Variants in SNX2 observed in about 807,000 individuals in gnomAD.
SNX2 encodes the protein sorting nexin-2.
In SNX2, 25 loss-of-function variants were observed where a neutral mutation model predicts 69.9. That is an observed-to-expected ratio of 0.36 (90% CI 0.26 to 0.50). The LOEUF is 0.50. SNX2 is among the 20% of genes least tolerant of loss of function. SNX2 has a pLI of 0.97. For synonymous variants in SNX2, 229 were observed against 200.4 expected (o/e 1.14, Z -1.20); for missense variants, 551 against 613.3 (o/e 0.90, Z 1.07).
intron 14 of SNX2, among the ~76,000 whole-genome samples, chr5:122,828,860 T>C (rs989613013): frequency 6.6e-6 from 1 of 152,208 alleles, no homozygotes; most frequent in African/African-American, 2.4e-5. Flanking sequence ...GGCTCATGCC[T>C]GTAATCTCAG....
At chr5:122,826,021 C>A in intron 11 of SNX2, 29 bp from the exon 12 acceptor site, 2 of 1,592,590 alleles carry the variant, frequency 1.3e-6, no homozygotes, top group African/African-American at 1.3e-5. Context: ...GTTACTCTTA[C>A]TTAATAGCAT....
intron 3 of SNX2, among the ~76,000 whole-genome samples, 157 bp downstream of exon 3, chr5:122,800,012 C>G (rs1753473662): frequency 6.6e-6 from 1 of 152,124 alleles, no homozygotes. Context: ...TTCTATCTTC[C>G]CCACTCTACC....
rs1401853175 is a variant in SNX2, at chr5:122,833,224, GA to G, written c.*3577del. The G allele has an allele frequency of 6.6e-6, 1 of 152,142 alleles. No homozygotes were observed. Among genetic ancestry groups the G allele is most frequent in the Admixed American group, 6.5e-5 (1 of 15,270 alleles). The allele number at this position is 152,142 out of a possible 1,614,324, so 9.4% of individuals were successfully genotyped here. ...AACAATGAAAGTAGATAATGGGTCAGACATGGAAATAGCAATAAAAGGGAAT... is the reference window on the plus strand; with the variant it reads ...AACAATGAAAGTAGATAATGGGTCAGCATGGAAATAGCAATAAAAGGGAAT... On this transcript the variant is annotated 3_prime_UTR_variant, in exon 15 of 15. Transcript: ENST00000379516.
Position 122,795,060 on chromosome 5 carries a change from C to T in SNX2, c.109-206C>T, listed in dbSNP as rs1201731654. On this transcript the variant is annotated intron_variant, in intron 1 of 14. Transcript: ENST00000379516. ...AAAAAAAAGGTTTTCTTTTTTAAAT[C>T]TTAAGTGACTTTTTGTTAAGAAAGA... Among the ~76,000 whole-genome samples, 4 of 152,024 alleles carry T rather than the reference C, an allele frequency of 2.6e-5. No homozygotes were observed. In the East Asian group the frequency reaches 7.7e-4, roughly 29 times the overall value.
intron 1 of SNX2, among the ~76,000 whole-genome samples, chr5:122,788,940 C>G (rs1275255984): frequency 1.3e-5 from 2 of 152,100 alleles, no homozygotes; most frequent in East Asian, 3.8e-4. Flanking sequence ...TGTCTTTTCT[C>G]TTATTTGGTC....
At chr5:122,814,627 A>T (rs1029282530) in intron 7 of SNX2, among the ~76,000 whole-genome samples, 2 of 152,222 alleles carry the variant, frequency 1.3e-5, no homozygotes, top group African/African-American at 4.8e-5. Context: ...AATCTTATAA[A>T]AAGGTAGAAG....
At chr5:122,779,619 T>C (rs907657621) in intron 1 of SNX2, among the ~76,000 whole-genome samples, 1 of 152,220 alleles carries the variant, frequency 6.6e-6, no homozygotes. Context: ...ATAATGCCGT[T>C]AACATTCGTG....
rs781294889 is a variant in SNX2, at chr5:122,803,623, A to G, written c.643+10A>G. The G allele has an allele frequency of 1.3e-6, 2 of 1,584,896 alleles. No homozygotes were observed. Among genetic ancestry groups the G allele is most frequent in the East Asian group, 2.3e-5 (1 of 44,392 alleles). Reference sequence around the variant, plus strand: ...GAAAAGAGTATAGTAGGTAAGCACAAATTTTTCAAAAATTAATTTTTGTTA... The same window carrying G: ...GAAAAGAGTATAGTAGGTAAGCACAGATTTTTCAAAAATTAATTTTTGTTA... On this transcript the variant is annotated intron_variant, in intron 6 of 14. Transcript: ENST00000379516.
intron 12 of SNX2, among the ~76,000 whole-genome samples, chr5:122,826,956 A>C (rs1561478887): frequency 6.6e-6 from 1 of 151,998 alleles, no homozygotes; most frequent in Non-Finnish European, 1.5e-5. Context: ...TCAGCATATA[A>C]ATTTTGAAGA....
At chr5:122,816,269 A>T (rs1753899219) in intron 8 of SNX2, among the ~76,000 whole-genome samples, 1 of 151,070 alleles carries the variant, frequency 6.6e-6, no homozygotes, top group Non-Finnish European at 1.5e-5. Flanking sequence ...TGTTGAAATA[A>T]GTTTATTCAG....
At chr5:122,810,183 TA>T (rs1195163784) in intron 7 of SNX2, among the ~76,000 whole-genome samples, 1 of 150,892 alleles carries the variant, frequency 6.6e-6, no homozygotes, top group Non-Finnish European at 1.5e-5. Flanking sequence ...TGTGCTTTGT[TA>T]AACAGATGCT....
chr5:122,793,328 A>G (rs1056258888), intron 1 of SNX2, among the ~76,000 whole-genome samples: 1 of 152,224 alleles, frequency 6.6e-6, no homozygotes, highest in Admixed American at 6.5e-5. Flanking sequence ...ATATGGAAGA[A>G]TCTTACATAC....
Position 122,831,385 on chromosome 5 carries a change from A to C in SNX2, c.*1737A>C, listed in dbSNP as rs894379674. Among the ~76,000 whole-genome samples the C allele has an allele frequency of 7.9e-5, 12 of 152,132 alleles. No individual in the cohort carries two copies. The highest frequency in any genetic ancestry group is 7.4e-5 in the Non-Finnish European group (5 of 68,014). Reference sequence around the variant, plus strand: ...CTTCTTGGGAGGCTGAGGCAGGAGGATCTCTTGAGCCCAGGAGTTTGAGGC... The same window carrying C: ...CTTCTTGGGAGGCTGAGGCAGGAGGCTCTCTTGAGCCCAGGAGTTTGAGGC... On this transcript the variant is annotated 3_prime_UTR_variant, in exon 15 of 15. Transcript: ENST00000379516.
At chr5:122,826,724 T>C in intron 12 of SNX2, 1 of 669,658 alleles carries the variant, frequency 1.5e-6, no homozygotes, top group Non-Finnish European at 1.8e-6. Context: ...TTTGGTTACA[T>C]AGTGGGAAAA....
chr5:122,810,856 A>G (rs1399514519), intron 7 of SNX2, among the ~76,000 whole-genome samples: 4 of 152,220 alleles, frequency 2.6e-5, no homozygotes, highest in Non-Finnish European at 5.9e-5. Context: ...TGAAGAAAAT[A>G]TAGGCATAAA....
In SNX2 at chr5:122,806,142, GCACACACACACACA is replaced by G. The variant is rs139834252; in HGVS notation, c.644-2122_644-2109del. Reference sequence around the variant, plus strand: ...TGTGTATATATATACACACGCGCGCGCACACACACACACACACACACACACAGCCCACCATTCCA... The same window carrying G: ...TGTGTATATATATACACACGCGCGCGCACACACACACAGCCCACCATTCCA... On this transcript the variant is annotated intron_variant, in intron 6 of 14. Transcript: ENST00000379516. Among the ~76,000 whole-genome samples the G allele has an allele frequency of 2.3e-5, 3 of 130,584 alleles. No homozygotes were observed. In the East Asian group the frequency reaches 6.4e-4, roughly 28 times the overall value. The allele number at this position is 130,584 out of a possible 152,430, so 85.7% of individuals were successfully genotyped here.
chr5:122,797,872 C>T lies in SNX2; in HGVS notation c.227-1820C>T, dbSNP rs1753419270. Among the ~76,000 whole-genome samples, 7 of 144,204 alleles carry T rather than the reference C, an allele frequency of 4.9e-5. No individual in the cohort carries two copies. In the South Asian group the frequency reaches 1.8e-3, roughly 37 times the overall value. 94.6% of individuals were successfully genotyped at this position (144,204 alleles called of 152,430 possible). A position where few individuals can be genotyped will look rare whatever the true frequency, so the allele number is the denominator to read the frequency against. On this transcript the variant is annotated intron_variant, in intron 2 of 14. Transcript: ENST00000379516. Reference sequence around the variant, plus strand: ...AAGGTGTCATGAAGAAAATTTAAGACAGATTATATATATATGTTGAATCTA... The same window carrying T: ...AAGGTGTCATGAAGAAAATTTAAGATAGATTATATATATATGTTGAATCTA...
chr5:122,775,799 C>T (rs910658119), intron 1 of SNX2: 2 of 981,806 alleles, frequency 2.0e-6, no homozygotes, highest in Non-Finnish European at 2.4e-6. Context: ...GTCTTTAGTT[C>T]CTAGACTTTT....
At position 122,816,914 on chromosome 5, in the gene SNX2, G is replaced by C. The variant is rs958270619; in HGVS notation, c.799-1G>C. ...TGCCCTTATTTGTCATTCAATTCCA[G>C]CTGCCTAGAGCAGTTAATACACAGG... On this transcript the variant is annotated splice_acceptor_variant, in intron 8 of 14. Transcript: ENST00000379516. LOFTEE classifies it high-confidence loss of function. 2 of 1,595,818 alleles carry C rather than the reference G, an allele frequency of 1.3e-6. No homozygotes were observed. Among genetic ancestry groups the C allele is most frequent in the Non-Finnish European group, 1.7e-6 (2 of 1,166,420 alleles).
Sources: allele counts gnomAD v4.1 joint callset (sites outside exome capture counted in the v4.1 genomes callset), GRCh38; gene constraint gnomAD v4.1.1; transcripts MANE v1.5; gene names NCBI Gene and HGNC (gene_info 2026-07-23, HGNC 2026-07-21).